The following CDC42BPB variants were observed in gnomAD, a reference collection of about 807,000 sequenced individuals.
The protein encoded by CDC42BPB is CDC42 binding protein kinase beta, also known as serine/threonine-protein kinase MRCK beta.
In CDC42BPB, 37 loss-of-function variants were observed where a neutral mutation model predicts 214.9. That is an observed-to-expected ratio of 0.17 (90% CI 0.13 to 0.23). The LOEUF (loss-of-function observed/expected upper bound fraction) is 0.23, where lower values mean the gene tolerates loss of function less well. Ranked by LOEUF, CDC42BPB falls within the 10% of genes least tolerant of loss-of-function variation. The pLI is 1.00. For synonymous variants in CDC42BPB, 931 were observed against 884.0 expected (o/e 1.05, Z -0.94); for missense variants, 1,694 against 2,227.0 (o/e 0.76, Z 4.82).
At chr14:102,983,349 G>A (rs1481377523) in intron 7 of CDC42BPB, among the ~76,000 whole-genome samples, 3 of 151,896 alleles carry the variant, frequency 2.0e-5, no homozygotes, top group Admixed American at 6.6e-5. Context: ...TTCCTCTGGC[G>A]CCCACATCTC....
intron 1 of CDC42BPB, among the ~76,000 whole-genome samples, chr14:103,039,292 C>CAAAAAAAAAAAAA (rs202028122): frequency 1.4e-5 from 1 of 70,642 alleles, no homozygotes; most frequent in African/African-American, 4.3e-5. Flanking sequence ...GATACCAAAC[C>CAAAAAAAAAAAAA]AAAAAAAAAA....
chr14:102,966,689 T>A (rs1328964971), intron 17 of CDC42BPB: 1 of 227,856 alleles, frequency 4.4e-6, no homozygotes, highest in Non-Finnish European at 7.3e-6. Context: ...ACTCTTTTTT[T>A]AATTACAACT....
chr14:103,005,451 T>C (rs1310439694), intron 3 of CDC42BPB, among the ~76,000 whole-genome samples: 2 of 152,132 alleles, frequency 1.3e-5, no homozygotes, highest in Non-Finnish European at 2.9e-5. Flanking sequence ...GCTCACGCTG[T>C]AATCCCAGCA....
intron 24 of CDC42BPB, among the ~76,000 whole-genome samples, chr14:102,951,386 C>CA (rs1892483319): frequency 6.6e-6 from 1 of 152,232 alleles, no homozygotes; most frequent in African/African-American, 2.4e-5. Flanking sequence ...GACCCTCCCA[C>CA]AGCACTGGGT....
At chr14:102,956,991 C>T (rs1156362075) in intron 21 of CDC42BPB, among the ~76,000 whole-genome samples, 9 of 125,484 alleles carry the variant, frequency 7.2e-5, no homozygotes, top group Admixed American at 2.1e-4. Context: ...CCATCCTGGG[C>T]GACATGGTGA....
chr14:103,040,581 C>A (rs910197176), intron 1 of CDC42BPB, among the ~76,000 whole-genome samples: 4 of 151,966 alleles, frequency 2.6e-5, no homozygotes, highest in African/African-American at 9.7e-5. Context: ...ACCTCAGCCT[C>A]CCGAGTAGGT....
chr14:103,040,695 T>A (rs1887940549), intron 1 of CDC42BPB, among the ~76,000 whole-genome samples: 2 of 152,092 alleles, frequency 1.3e-5, no homozygotes, highest in South Asian at 2.1e-4. Context: ...TAACCTCAGG[T>A]GATCCGCCCA....
Position 102,943,184 on chromosome 14 carries a change from G to T in CDC42BPB, c.4408+707C>A, listed in dbSNP as rs1019497629. On this transcript the variant is annotated intron_variant, in intron 30 of 36. Coordinates refer to ENST00000361246, the MANE Select transcript of CDC42BPB (RefSeq NM_006035.4). This position sits in a 1 kb window ranked among gnomAD's most constrained non-coding sequence, Gnocchi z 4.6. ...ATATTTTGTTATTTAGTAGAGATGA[G>T]GCTGGTATTGAACTTCTGAGCTCAA... Among the ~76,000 whole-genome samples the T allele has an allele frequency of 6.6e-5, 10 of 151,934 alleles. No homozygotes were observed. The highest frequency in any genetic ancestry group is 2.2e-4 in the African/African-American group (9 of 41,368).
At chr14:102,975,451 A>T (rs890835250) in intron 11 of CDC42BPB, among the ~76,000 whole-genome samples, 6 of 152,184 alleles carry the variant, frequency 3.9e-5, no homozygotes, top group Non-Finnish European at 7.4e-5. Context: ...TGAACCCAGG[A>T]GGTGGAGGTT....
intron 21 of CDC42BPB, among the ~76,000 whole-genome samples, chr14:102,957,123 C>T (rs1406076648): frequency 6.8e-6 from 1 of 147,890 alleles, no homozygotes; most frequent in Non-Finnish European, 1.5e-5. Flanking sequence ...ATTGCTTGAA[C>T]CTGGGAGGTG....
intron 14 of CDC42BPB, 100 bp downstream of exon 14, chr14:102,970,051 G>A (rs935705166): frequency 2.6e-5 from 24 of 937,760 alleles, no homozygotes; most frequent in African/African-American, 6.5e-5. Flanking sequence ...GGTGACACTC[G>A]GCCCGGACCA....
chr14:103,012,317 C>A (rs2139642858), intron 1 of CDC42BPB, 129 bp from the exon 2 acceptor site: 1 of 1,451,952 alleles, frequency 6.9e-7, no homozygotes, highest in Non-Finnish European at 9.0e-7. Flanking sequence ...TAATATCTGA[C>A]ATGTTTTGGA....
intron 30 of CDC42BPB, chr14:102,941,035 T>G: frequency 2.4e-6 from 2 of 841,700 alleles, no homozygotes; most frequent in Non-Finnish European, 2.9e-6. Flanking sequence ...CCTTTGGCCA[T>G]TTGGAGTTTA....
intron 1 of CDC42BPB, among the ~76,000 whole-genome samples, chr14:103,032,535 C>CAAAAAAAAAAAAAA (rs570009408): frequency 4.4e-5 from 2 of 45,048 alleles, no homozygotes; most frequent in Non-Finnish European, 1.2e-4. Context: ...AAATAAACTG[C>CAAAAAAAAAAAAAA]AAAAAAAAAA....
intron 16 of CDC42BPB, 80 bp from the exon 17 acceptor site, chr14:102,967,250 T>C: frequency 1.3e-6 from 2 of 1,505,448 alleles, no homozygotes; most frequent in South Asian, 1.3e-5. Context: ...GGAAGTTCTT[T>C]TGAAGACTCT....
chr14:102,959,196 CTGAG>C (rs1389922369), intron 21 of CDC42BPB, among the ~76,000 whole-genome samples: 1 of 151,276 alleles, frequency 6.6e-6, no homozygotes, highest in Non-Finnish European at 1.5e-5. Context: ...ACTTGGGAGG[CTGAG>C]GCAGGAGAAT....
At chr14:103,056,923 G>T in intron 1 of CDC42BPB, 76 bp downstream of exon 1, 1 of 1,081,320 alleles carries the variant, frequency 9.2e-7, no homozygotes, top group Non-Finnish European at 1.2e-6. Flanking sequence ...GGCGGGGATG[G>T]GCGGGCGTGG....
chr14:102,946,093 C>T (rs1227468486), intron 28 of CDC42BPB, among the ~76,000 whole-genome samples: 1 of 152,108 alleles, frequency 6.6e-6, no homozygotes, highest in Non-Finnish European at 1.5e-5. Flanking sequence ...ACTGTAAGCT[C>T]TGCCTCCTGG....
At chr14:103,016,720 T>C (rs1267833150) in intron 1 of CDC42BPB, among the ~76,000 whole-genome samples, 3 of 151,966 alleles carry the variant, frequency 2.0e-5, no homozygotes. Context: ...TAGAATTGGG[T>C]TATTGGTATG....
Sources: allele counts gnomAD v4.1 joint callset (sites outside exome capture counted in the v4.1 genomes callset), GRCh38; gene constraint gnomAD v4.1.1; non-coding constraint Gnocchi (gnomAD v3.1); transcripts MANE v1.5; gene names NCBI Gene and HGNC (gene_info 2026-07-23, HGNC 2026-07-21).